PTPN21: variants seen among roughly 807,000 people sequenced by gnomAD.
The protein encoded by PTPN21 is tyrosine-protein phosphatase non-receptor type 21.
In PTPN21, 77 loss-of-function variants were observed where a neutral mutation model predicts 131.8. The observed-to-expected ratio is 0.58, with a 90% CI of 0.49 to 0.71. The LOEUF is 0.71. Among genes scored for constraint, PTPN21 ranks in the 30% least tolerant of loss-of-function variants. The pLI is 0.00. For synonymous variants in PTPN21, 715 were observed against 621.3 expected (o/e 1.15, Z -2.24); for missense variants, 1,552 against 1,527.1 (o/e 1.02, Z -0.27).
At chr14:88,507,523 T>C (rs1471700620) in intron 4 of PTPN21, among the ~76,000 whole-genome samples, 2 of 152,186 alleles carry the variant, frequency 1.3e-5, no homozygotes, top group African/African-American at 4.8e-5. Flanking sequence ...TGTAACACAA[T>C]GGTATTTGTG....
chr14:88,538,296 T>C (rs1024534471), intron 2 of PTPN21, among the ~76,000 whole-genome samples: 5 of 152,228 alleles, frequency 3.3e-5, no homozygotes, highest in African/African-American at 1.2e-4. Context: ...AATCTGAATC[T>C]AGAAGCCCAC....
chr14:88,529,296 C>T (rs373233674), intron 2 of PTPN21, among the ~76,000 whole-genome samples: 2 of 152,222 alleles, frequency 1.3e-5, no homozygotes, highest in East Asian at 1.9e-4. Flanking sequence ...ATTAAACCAA[C>T]CCTACATCCC....
At chr14:88,500,263 C>T (rs2077988677) in intron 8 of PTPN21, among the ~76,000 whole-genome samples, 3 of 152,140 alleles carry the variant, frequency 2.0e-5, no homozygotes, top group Non-Finnish European at 4.4e-5. Context: ...GAAACTGTCT[C>T]CACAAAAAAT....
At chr14:88,505,894 G>A (rs1482899923) in intron 4 of PTPN21, among the ~76,000 whole-genome samples, 1 of 152,176 alleles carries the variant, frequency 6.6e-6, no homozygotes, top group Non-Finnish European at 1.5e-5. Flanking sequence ...ACCTTGAAAA[G>A]GAATGTGGCT....
chr14:88,506,633 G>A (rs1172833431), intron 4 of PTPN21, among the ~76,000 whole-genome samples: 1 of 152,096 alleles, frequency 6.6e-6, no homozygotes, highest in African/African-American at 2.4e-5. Flanking sequence ...AACCATTTAA[G>A]AAACCAAACA....
At chr14:88,501,409 T>C in intron 6 of PTPN21, 41 bp from the exon 7 acceptor site, 1 of 1,488,582 alleles carries the variant, frequency 6.7e-7, no homozygotes, top group Non-Finnish European at 9.4e-7. Flanking sequence ...AAAGCAAGCT[T>C]AAAATGGTTT....
At chr14:88,533,313 G>A (rs1343746225) in intron 2 of PTPN21, among the ~76,000 whole-genome samples, 2 of 152,140 alleles carry the variant, frequency 1.3e-5, no homozygotes, top group Non-Finnish European at 2.9e-5. Flanking sequence ...TTTAGTCAAC[G>A]ACAGACCACA....
intron 3 of PTPN21, among the ~76,000 whole-genome samples, chr14:88,511,908 G>A (rs1300127071): frequency 6.6e-6 from 1 of 151,988 alleles, no homozygotes; most frequent in Non-Finnish European, 1.5e-5. Context: ...TAATAAATTA[G>A]GTGACCCCAT....
chr14:88,517,889 C>CGTGT (rs202198081), intron 2 of PTPN21, among the ~76,000 whole-genome samples: 3,311 of 139,502 alleles, frequency 0.024, 124 homozygotes, highest in African/African-American at 0.082. Flanking sequence ...ACTATATATA[C>CGTGT]GTGTATGTGT....
intron 3 of PTPN21, among the ~76,000 whole-genome samples, chr14:88,508,354 T>C (rs1421053620): frequency 6.6e-6 from 1 of 152,108 alleles, no homozygotes; most frequent in Non-Finnish European, 1.5e-5. Context: ...TTTCACCATG[T>C]TGCCCAGGCT....
rs1464131682 is a variant in PTPN21 at position 88,467,192 on chromosome 14, T to C, written c.*945A>G. 1.3e-5 allele frequency: 2 copies of C among 149,486 alleles called. 1 individual carries two copies. Among genetic ancestry groups the C allele is most frequent in the Non-Finnish European group, 3.0e-5 (2 of 67,558 alleles). The allele number at this position is 149,486 out of a possible 1,614,324, so 9.3% of individuals were successfully genotyped here. ...CATCTTACATACTCTTAGTCCTTAA[T>C]CTCTCCCAAAACGCTTCTCAGCGCC... On this transcript the variant is annotated 3_prime_UTR_variant, in exon 19 of 19. Coordinates refer to ENST00000556564, the MANE Select transcript of PTPN21 (RefSeq NM_007039.4).
intron 2 of PTPN21, among the ~76,000 whole-genome samples, chr14:88,532,656 AT>A (rs2078571350): frequency 6.6e-6 from 1 of 152,094 alleles, no homozygotes; most frequent in South Asian, 2.1e-4. Context: ...GAGTTTAGCG[AT>A]TTGGTAATCC....
At chr14:88,543,306 T>C (rs368899033) in intron 2 of PTPN21, among the ~76,000 whole-genome samples, 1 of 152,132 alleles carries the variant, frequency 6.6e-6, no homozygotes, top group Non-Finnish European at 1.5e-5. Flanking sequence ...AAGCTGACAC[T>C]CCCTTGACAC....
rs2077775100 is a variant in PTPN21, at chr14:88,488,810, T to C, written c.933-2968A>G. Among the ~76,000 whole-genome samples, 6 of 152,066 alleles carry C rather than the reference T, an allele frequency of 3.9e-5. No homozygotes were observed. In the South Asian group the frequency reaches 1.2e-3, roughly 31 times the overall value. ...TCCCACCATATTCTACCTGGGAAACTGGGATACTAGGACCTGGTGTCTTTA... is the reference window on the plus strand; with the variant it reads ...TCCCACCATATTCTACCTGGGAAACCGGGATACTAGGACCTGGTGTCTTTA... On this transcript the variant is annotated intron_variant, in intron 10 of 18. Transcript: ENST00000556564.
chr14:88,548,934 C>T (rs2078820845), intron 2 of PTPN21, among the ~76,000 whole-genome samples: 2 of 152,260 alleles, frequency 1.3e-5, no homozygotes, highest in East Asian at 1.9e-4. Flanking sequence ...AGCTTACAAC[C>T]TTATGCTACT....
rs1211074021 is a variant in PTPN21 at position 88,479,439 on chromosome 14, CA to C, written c.1991del (p.Val664GlyfsTer30). 6.2e-7 allele frequency: 1 copy of C among 1,602,018 alleles called. No individual in the cohort carries two copies. Among genetic ancestry groups the C allele is most frequent in the Non-Finnish European group, 8.5e-7 (1 of 1,178,500 alleles). The stretch of plus-strand genomic sequence containing the variant: ...AGCCCACCGAGACGGCTCGCGGCGC[CA>C]CCTCTGCCGCCGACGCGGATAGGGT... ...ERTLSASAAE[V>X]APRAVSVGSQ... On this transcript the variant is annotated frameshift_variant, in exon 13 of 19. Transcript: ENST00000556564. LOFTEE classifies it high-confidence loss of function.
In PTPN21 at chr14:88,472,287, G is replaced by C; in HGVS notation, c.2828C>G (p.Thr943Ser). The C allele has an allele frequency of 5.0e-6, 8 of 1,613,746 alleles. No individual in the cohort carries two copies. Among genetic ancestry groups the C allele is most frequent in the Non-Finnish European group, 6.8e-6 (8 of 1,179,728 alleles). The change falls in exon 15 of 19, where the codon ACT (threonine) becomes AGT (serine). Residue 943 changes from threonine to serine, a missense_variant. Around this residue, in one of 4 missense-constraint regions of PTPN21, gnomAD observed 316 missense variants for 378.5 expected, o/e 0.83. Transcript: ENST00000556564. ...GATGTAACCAGTGTTGTTTTCTTTA[G>C]TTGGGACCAACTCCACTCTCACATC... ...YDDVRVELVP[T>S]KENNTGYINA...
rs1474772012 is a variant in PTPN21, at chr14:88,467,961, T to C, written c.*176A>G. On this transcript the variant is annotated 3_prime_UTR_variant, in exon 19 of 19. Transcript: ENST00000556564. Reference sequence around the variant, plus strand: ...ACCTTTCCCAGGTTAGAAACCCCTCTTCAGCCTGTGCTTCGCACGTTTCCT... The same window carrying C: ...ACCTTTCCCAGGTTAGAAACCCCTCCTCAGCCTGTGCTTCGCACGTTTCCT... 3.7e-5 allele frequency: 32 copies of C among 853,782 alleles called. No homozygotes were observed. In the East Asian group the frequency reaches 7.3e-4, roughly 19 times the overall value. The allele number at this position is 853,782 out of a possible 1,614,324, so 52.9% of individuals were successfully genotyped here.
chr14:88,473,142 G>GTT (rs1566807504), intron 14 of PTPN21, among the ~76,000 whole-genome samples: 1 of 151,952 alleles, frequency 6.6e-6, no homozygotes, highest in African/African-American at 2.4e-5. Context: ...TATGTCATAC[G>GTT]ATATATAAAA....
Sources: gnomAD v4.1 joint callset for allele counts (sites outside exome capture counted in the v4.1 genomes callset) on GRCh38, gnomAD v4.1.1 for gene constraint, gnomAD v4.1.1 regional missense constraint, MANE v1.5 for transcripts, NCBI Gene and HGNC (gene_info 2026-07-23, HGNC 2026-07-21) for gene names.